RSPO4: variants seen among roughly 807,000 people sequenced by gnomAD.
The protein encoded by RSPO4 is R-spondin-4.
Under a neutral mutation model 24.8 loss-of-function variants are expected in RSPO4, and 23 were observed. The ratio of observed to expected loss-of-function variants is 0.93; its 90% CI spans 0.67 to 1.31. RSPO4 has a LOEUF of 1.31. RSPO4 is among the 40% of genes most tolerant of loss of function. The pLI, the probability that RSPO4 is intolerant of heterozygous loss-of-function variation, is 0.00. For missense variants in RSPO4, 333 were observed against 316.5 expected (o/e 1.05, Z -0.39); for synonymous variants, 141 against 127.4 (o/e 1.11, Z -0.72).
At chr20:962,348 G>A (rs1250530635) in intron 4 of RSPO4, among the ~76,000 whole-genome samples, 5 of 152,150 alleles carry the variant, frequency 3.3e-5, no homozygotes, top group Non-Finnish European at 7.4e-5. Context: ...GGGTTGTTGC[G>A]AGGATTAGAG....
chr20:965,903 C>G (rs746527762), intron 3 of RSPO4, among the ~76,000 whole-genome samples: 4 of 152,120 alleles, frequency 2.6e-5, no homozygotes, highest in Non-Finnish European at 5.9e-5. Flanking sequence ...AGCAGATGCT[C>G]TAGTAGATAT....
intron 3 of RSPO4, among the ~76,000 whole-genome samples, chr20:964,831 CAT>C (rs9305152): frequency 0.71 from 94,121 of 133,042 alleles, 35,360 homozygotes; most frequent in South Asian, 0.85. Flanking sequence ...CACACACACA[CAT>C]ATATATATAT....
Position 1,002,242 on chromosome 20 carries a change from C to T in RSPO4, c.-78G>A. The T allele has an allele frequency of 5.7e-6, 6 of 1,050,880 alleles. No individual in the cohort carries two copies. The highest frequency in any genetic ancestry group is 7.4e-6 in the Non-Finnish European group (6 of 812,610). The allele number at this position is 1,050,880 out of a possible 1,614,324, so 65.1% of individuals were successfully genotyped here. A position where few individuals can be genotyped will look rare whatever the true frequency, so the allele number is the denominator to read the frequency against. On this transcript the variant is annotated 5_prime_UTR_variant, in exon 1 of 5. Transcript: ENST00000217260. This position sits in a 1 kb window ranked among gnomAD's most constrained non-coding sequence, Gnocchi z 4.6. The stretch of plus-strand genomic sequence containing the variant: ...GCCCCACGTCCCGGCGGCGGCACGG[C>T]GGGCGCGGGGGCTGCTGTGGGCGCG...
chr20:961,427 T>C (rs1293511553), intron 4 of RSPO4, among the ~76,000 whole-genome samples: 1 of 152,118 alleles, frequency 6.6e-6, no homozygotes, highest in Non-Finnish European at 1.5e-5. Context: ...GGAGGGCAGT[T>C]TTATTCCTTG....
intron 1 of RSPO4, among the ~76,000 whole-genome samples, chr20:990,452 CTCTTTT>C (rs1356766839): frequency 6.6e-6 from 1 of 151,476 alleles, no homozygotes; most frequent in Non-Finnish European, 1.5e-5. Flanking sequence ...CTTTCTCTTT[CTCTTTT>C]CTTTTTCCTT....
chr20:979,261 T>C (rs965938115), intron 1 of RSPO4, among the ~76,000 whole-genome samples: 2 of 152,116 alleles, frequency 1.3e-5, no homozygotes, highest in Non-Finnish European at 2.9e-5. Context: ...CCAAGACCAC[T>C]CCCACCACAG....
At position 1,002,054 on chromosome 20, in the gene RSPO4, G is replaced by A. The variant is rs369907083; in HGVS notation, c.79+32C>T. 265 of 1,533,664 alleles carry A rather than the reference G, an allele frequency of 1.7e-4. 1 individual carries two copies. The highest frequency in any genetic ancestry group is 5.2e-4 in the Middle Eastern group (3 of 5,822). ...GCCCCCGGTCTGCCCCGCAGCGCCT[G>A]CCCGGCCGCCCTGCCCAGCCACCCC... On this transcript the variant is annotated intron_variant, in intron 1 of 4. Transcript: ENST00000217260. This position sits in a 1 kb window ranked among gnomAD's most constrained non-coding sequence, Gnocchi z 4.6.
At chr20:985,243 A>C (rs1984881225) in intron 1 of RSPO4, among the ~76,000 whole-genome samples, 1 of 127,728 alleles carries the variant, frequency 7.8e-6, no homozygotes, top group African/African-American at 3.6e-5. Flanking sequence ...ATATCCATCC[A>C]CTCACCCACC....
rs193199281 is a variant in RSPO4, at chr20:960,788, T to C, written c.596-322A>G. On this transcript the variant is annotated intron_variant, in intron 4 of 4. Transcript: ENST00000217260. ...CCAATCAGCATGTCGGGTGGCCTCA[T>C]GGGAGTCCCCATGGCTTTCCCCGGC... Among the ~76,000 whole-genome samples, 429 of 152,358 alleles carry C rather than the reference T, an allele frequency of 2.8e-3. 1 individual carries two copies. The highest frequency in any genetic ancestry group is 4.6e-3 in the Admixed American group (71 of 15,306).
chr20:978,952 G>C (rs1984652978), intron 1 of RSPO4, among the ~76,000 whole-genome samples: 1 of 151,928 alleles, frequency 6.6e-6, no homozygotes, highest in Admixed American at 6.6e-5. Context: ...AGTAAGAATA[G>C]GCACACATCC....
At position 967,187 on chromosome 20, in the gene RSPO4, T is replaced by A. The variant is rs758567274; in HGVS notation, c.396A>T (p.Thr132=). 3 of 1,613,840 alleles carry A rather than the reference T, an allele frequency of 1.9e-6. No individual in the cohort carries two copies. The South Asian group carries it at 3.3e-5, about 18-fold the overall frequency. The change falls in exon 3 of 5, where the codon ACA becomes ACT. Residue 132 remains threonine (T), a synonymous_variant. Transcript: ENST00000217260. ...GTCCCCACTCACCCTGGCACTCCCG[T>A]GTGTTCTGGTGGGCCAAAGTGCCCG... ...CPPGTLAHQN[T]RECQGECELG...
In RSPO4 at chr20:967,233, T is replaced by G; in HGVS notation, c.350A>C (p.Lys117Thr). 4 of 1,614,204 alleles carry G rather than the reference T, an allele frequency of 2.5e-6. No homozygotes were observed. Among genetic ancestry groups the G allele is most frequent in the Non-Finnish European group, 3.4e-6 (4 of 1,180,028 alleles). Residue 117 changes from lysine (K) to threonine (T), a missense_variant, in exon 3 of 5, where the codon AAG becomes ACG. Lys to Thr is a moderately conservative substitution (Grantham distance 78). Coordinates refer to ENST00000217260, the MANE Select transcript of RSPO4 (RefSeq NM_001029871.4). ...GCCCGGCGGGCAGGTGGGCAGACACTTCCCCTTGTACAAGTAAAACTGCCT... is the reference window on the plus strand; with the variant it reads ...GCCCGGCGGGCAGGTGGGCAGACACGTCCCCTTGTACAAGTAAAACTGCCT... The part of the protein sequence containing the change: ...CKRQFYLYKG[K>T]CLPTCPPGTL...
rs1416411166 is a variant in RSPO4, at chr20:959,153, G to A, written c.*1204C>T. 6 of 123,590 alleles carry A rather than the reference G, an allele frequency of 4.9e-5. No homozygotes were observed. Among genetic ancestry groups the A allele is most frequent in the Non-Finnish European group, 8.4e-5 (5 of 59,190 alleles). 7.7% of individuals were successfully genotyped at this position (123,590 alleles called of 1,614,324 possible). ...AGTGTGGTGGTGGGTGTGGGCGAGTGCGGTGATGGGTGTGGGCAAGTGTGG... is the reference window on the plus strand; with the variant it reads ...AGTGTGGTGGTGGGTGTGGGCGAGTACGGTGATGGGTGTGGGCAAGTGTGG... On this transcript the variant is annotated 3_prime_UTR_variant, in exon 5 of 5. Coordinates refer to ENST00000217260, the MANE Select transcript of RSPO4 (RefSeq NM_001029871.4).
chr20:996,778 T>C (rs1280566743), intron 1 of RSPO4, among the ~76,000 whole-genome samples: 1 of 152,136 alleles, frequency 6.6e-6, no homozygotes, highest in Non-Finnish European at 1.5e-5. Context: ...AGGCCCTCCA[T>C]GACGGGACTC....
At chr20:1,001,941 T>C (rs1985478278) in intron 1 of RSPO4, 145 bp downstream of exon 1, 2 of 664,356 alleles carry the variant, frequency 3.0e-6, no homozygotes, top group African/African-American at 3.7e-5. Context: ...CCATCTTAAG[T>C]GAGGTTGAGA....
Position 968,032 on chromosome 20 carries a change from G to A in RSPO4, c.186C>T (p.Gly62=). ...QRLFLFIRRE[G]IRQYGKCLHD... ...GCAGGCACTTGCCGTACTGGCGGAT[G>A]CCTTCCCGGCGGATGAACAGGAAGA... The change falls in exon 2 of 5, where the codon GGC becomes GGT. Residue 62 remains glycine, a synonymous_variant. Transcript: ENST00000217260. 6.2e-7 allele frequency: 1 copy of A among 1,614,242 alleles called. No individual in the cohort carries two copies. The highest frequency in any genetic ancestry group is 8.5e-7 in the Non-Finnish European group (1 of 1,180,042).
chr20:959,281 TC>T lies in RSPO4; in HGVS notation c.*1075del. The T allele has an allele frequency of 6.6e-6, 1 of 152,358 alleles. No homozygotes were observed. The highest frequency in any genetic ancestry group is 1.5e-5 in the Non-Finnish European group (1 of 68,274). 9.4% of individuals were successfully genotyped at this position (152,358 alleles called of 1,614,324 possible). Reference sequence around the variant, plus strand: ...CTCCCCACCCACAATTCCCTACATTTCCCCCCTCAAGTGACCCCCAAATTCT... The same window carrying T: ...CTCCCCACCCACAATTCCCTACATTTCCCCCTCAAGTGACCCCCAAATTCT... On this transcript the variant is annotated 3_prime_UTR_variant, in exon 5 of 5. Transcript: ENST00000217260.
At chr20:982,292 G>C (rs1984761352) in intron 1 of RSPO4, among the ~76,000 whole-genome samples, 1 of 152,162 alleles carries the variant, frequency 6.6e-6, no homozygotes, top group African/African-American at 2.4e-5. Flanking sequence ...CCGTGGAGTT[G>C]TTACAAAACT....
intron 1 of RSPO4, among the ~76,000 whole-genome samples, chr20:990,978 G>A (rs996857752): frequency 1.8e-4 from 28 of 152,328 alleles, no homozygotes; most frequent in Admixed American, 1.5e-3. Flanking sequence ...GCAACTGAGC[G>A]TCCCACTAGC....
Sources: allele counts gnomAD v4.1 joint callset (sites outside exome capture counted in the v4.1 genomes callset), GRCh38; gene constraint gnomAD v4.1.1; non-coding constraint Gnocchi (gnomAD v3.1); transcripts MANE v1.5; gene names NCBI Gene and HGNC (gene_info 2026-07-23, HGNC 2026-07-21).